INPP4B: variants seen among roughly 807,000 people sequenced by gnomAD.
The protein encoded by INPP4B is inositol polyphosphate 4-phosphatase type II.
INPP4B carries 55 observed loss-of-function variants against 122.5 expected under a neutral mutation model. The observed-to-expected ratio is 0.45, with a 90% CI of 0.36 to 0.56. INPP4B has a LOEUF of 0.56. Ranked by LOEUF, INPP4B falls within the 20% of genes least tolerant of loss-of-function variation. INPP4B has a pLI of 0.00. For missense variants in INPP4B, 1,000 were observed against 1,097.7 expected (o/e 0.91, Z 1.26); for synonymous variants, 403 against 388.7 (o/e 1.04, Z -0.43).
chr4:142,588,114 G>A (rs1343887489), intron 2 of INPP4B, among the ~76,000 whole-genome samples: 2 of 151,760 alleles, frequency 1.3e-5, no homozygotes, highest in African/African-American at 4.8e-5. Context: ...AATTCAACAT[G>A]TATTCAAAAT....
chr4:142,668,916 G>A (rs192090485), intron 2 of INPP4B, among the ~76,000 whole-genome samples: 29 of 151,960 alleles, frequency 1.9e-4, no homozygotes, highest in African/African-American at 5.1e-4. Flanking sequence ...TTAGCCGGGC[G>A]TGGTGGTGGG....
At chr4:142,352,026 C>G (rs959767595) in intron 7 of INPP4B, among the ~76,000 whole-genome samples, 1 of 151,928 alleles carries the variant, frequency 6.6e-6, no homozygotes, top group Non-Finnish European at 1.5e-5. Flanking sequence ...AAACAGATCT[C>G]GGAAGCTGCT....
At chr4:142,159,203 T>C (rs1818783070) in intron 17 of INPP4B, among the ~76,000 whole-genome samples, 1 of 151,930 alleles carries the variant, frequency 6.6e-6, no homozygotes, top group Non-Finnish European at 1.5e-5. Flanking sequence ...GTTATTTTCA[T>C]TTTACAGTTG....
intron 1 of INPP4B, among the ~76,000 whole-genome samples, chr4:142,842,762 A>G (rs1353495192): frequency 1.5e-5 from 2 of 132,752 alleles, no homozygotes; most frequent in Non-Finnish European, 3.1e-5. Flanking sequence ...TATCTATAAT[A>G]ATCCTAACAT....
chr4:142,143,460 T>C (rs559326957), intron 18 of INPP4B, among the ~76,000 whole-genome samples: 2 of 152,194 alleles, frequency 1.3e-5, no homozygotes, highest in South Asian at 4.1e-4. Flanking sequence ...TATGAGTTAA[T>C]TTTTCAATAA....
chr4:142,380,181 A>G (rs963349629), intron 7 of INPP4B, among the ~76,000 whole-genome samples: 1 of 152,210 alleles, frequency 6.6e-6, no homozygotes, highest in Non-Finnish European at 1.5e-5. Flanking sequence ...CTGTTTACTG[A>G]CTAAAACATA....
chr4:142,100,282 T>G (rs1230218010), intron 23 of INPP4B, among the ~76,000 whole-genome samples: 1 of 152,040 alleles, frequency 6.6e-6, no homozygotes, highest in Non-Finnish European at 1.5e-5. Flanking sequence ...CACCTTTCTG[T>G]TTCTTAAGGG....
chr4:142,598,861 T>A (rs1244315524), intron 2 of INPP4B, among the ~76,000 whole-genome samples: 1 of 152,146 alleles, frequency 6.6e-6, no homozygotes, highest in Admixed American at 6.5e-5. Context: ...CCACTACCGC[T>A]GCTGCTAGAG....
intron 9 of INPP4B, among the ~76,000 whole-genome samples, chr4:142,280,438 A>C (rs754803993): frequency 3.9e-5 from 6 of 151,982 alleles, no homozygotes; most frequent in Non-Finnish European, 5.9e-5. Context: ...AGTTATCCCA[A>C]AAGATTATAT....
chr4:142,811,431 C>G (rs1212021404), intron 1 of INPP4B, among the ~76,000 whole-genome samples: 1 of 152,234 alleles, frequency 6.6e-6, no homozygotes, highest in Non-Finnish European at 1.5e-5. Context: ...CACCCTCCAA[C>G]TGCATGAACA....
intron 1 of INPP4B, among the ~76,000 whole-genome samples, chr4:142,809,064 A>C (rs1163994780): frequency 6.6e-6 from 1 of 152,090 alleles, no homozygotes; most frequent in East Asian, 1.9e-4. Flanking sequence ...CAGTAAATGG[A>C]TTAGATTTTT....
intron 1 of INPP4B, among the ~76,000 whole-genome samples, chr4:142,783,217 G>A (rs1775168811): frequency 6.6e-6 from 1 of 152,088 alleles, no homozygotes; most frequent in African/African-American, 2.4e-5. Flanking sequence ...TACCATCAGA[G>A]TGAACAGGCA....
chr4:142,586,399 G>T (rs144567143), intron 2 of INPP4B, among the ~76,000 whole-genome samples: 3 of 152,244 alleles, frequency 2.0e-5, no homozygotes, highest in Non-Finnish European at 4.4e-5. Flanking sequence ...CAACCCAGAG[G>T]CAAGAGAGAG....
chr4:142,079,456 T>A (rs1772676974), intron 25 of INPP4B, among the ~76,000 whole-genome samples: 2 of 152,068 alleles, frequency 1.3e-5, no homozygotes, highest in Non-Finnish European at 2.9e-5. Context: ...AAAACTCAAC[T>A]GTAAAATATT....
chr4:142,259,368 TAAAA>T (rs928536320), intron 11 of INPP4B, among the ~76,000 whole-genome samples: 144 of 143,246 alleles, frequency 1.0e-3, no homozygotes, highest in Non-Finnish European at 1.5e-3. Context: ...AATAAATAAA[TAAAA>T]AAAAAGAAAA....
At chr4:142,205,159 T>C (rs1842151830) in intron 14 of INPP4B, among the ~76,000 whole-genome samples, 1 of 152,156 alleles carries the variant, frequency 6.6e-6, no homozygotes, top group African/African-American at 2.4e-5. Context: ...AGTACATGGT[T>C]CTTTCATTTT....
intron 9 of INPP4B, among the ~76,000 whole-genome samples, chr4:142,303,337 A>G (rs1762206519): frequency 6.6e-6 from 1 of 152,186 alleles, no homozygotes; most frequent in Admixed American, 6.6e-5. Context: ...AAGGAAATTT[A>G]TTCATGGAAT....
intron 2 of INPP4B, among the ~76,000 whole-genome samples, chr4:142,546,433 A>G (rs1290501077): frequency 6.6e-6 from 1 of 152,100 alleles, no homozygotes; most frequent in Non-Finnish European, 1.5e-5. Flanking sequence ...TGTATATTTG[A>G]TAGAGTAAGA....
At chr4:142,173,598 A>G in intron 16 of INPP4B, 34 bp downstream of exon 16, 1 of 1,574,604 alleles carries the variant, frequency 6.4e-7, no homozygotes, top group Non-Finnish European at 8.7e-7. Flanking sequence ...TGAGTATTTC[A>G]TTTTCCCAAC....
Sources: gnomAD v4.1 joint callset for allele counts (sites outside exome capture counted in the v4.1 genomes callset) on GRCh38, gnomAD v4.1.1 for gene constraint, MANE v1.5 for transcripts, NCBI Gene and HGNC (gene_info 2026-07-23, HGNC 2026-07-21) for gene names.